DCDC2: variants seen among roughly 807,000 people sequenced by gnomAD.
DCDC2 encodes the protein doublecortin domain-containing protein 2.
In DCDC2, 40 loss-of-function variants were observed where a neutral mutation model predicts 50.2. The observed-to-expected ratio is 0.80, with a 90% CI of 0.62 to 1.04. The LOEUF is 1.04. Among genes scored for constraint, DCDC2 ranks in the 50% least tolerant of loss-of-function variants. DCDC2 has a pLI of 0.00. For synonymous variants in DCDC2, 234 were observed against 210.6 expected (o/e 1.11, Z -0.96); for missense variants, 570 against 581.9 (o/e 0.98, Z 0.21).
intron 2 of DCDC2, among the ~76,000 whole-genome samples, chr6:24,320,187 G>T (rs527712068): frequency 6.6e-6 from 1 of 152,294 alleles, no homozygotes; most frequent in South Asian, 2.1e-4. Flanking sequence ...AATGTAATGT[G>T]GATGATGAGA....
intron 8 of DCDC2, among the ~76,000 whole-genome samples, chr6:24,194,119 TGA>T (rs1453557884): frequency 6.6e-6 from 1 of 152,152 alleles, no homozygotes; most frequent in East Asian, 1.9e-4. Context: ...CAGTACTCCA[TGA>T]GAAATAGCTA....
At chr6:24,220,875 AGCGAGAGC>A (rs1241945461) in intron 7 of DCDC2, among the ~76,000 whole-genome samples, 2,885 of 43,268 alleles carry the variant, frequency 0.067, 58 homozygotes, top group South Asian at 0.15. Flanking sequence ...AGAGCAAGAG[AGCGAGAGC>A]GAGAGAGTGA....
intron 8 of DCDC2, among the ~76,000 whole-genome samples, chr6:24,182,295 A>C (rs1304177547): frequency 6.6e-6 from 1 of 152,212 alleles, no homozygotes; most frequent in Non-Finnish European, 1.5e-5. Flanking sequence ...AGGCAACAAA[A>C]AAATACATAA....
At chr6:24,212,713 C>T (rs762122339) in intron 7 of DCDC2, among the ~76,000 whole-genome samples, 4 of 152,122 alleles carry the variant, frequency 2.6e-5, no homozygotes, top group Non-Finnish European at 5.9e-5. Flanking sequence ...TTTCTTTGAA[C>T]GTGAACAGAC....
chr6:24,277,588 T>C (rs1763388249), intron 7 of DCDC2, among the ~76,000 whole-genome samples: 1 of 152,226 alleles, frequency 6.6e-6, no homozygotes, highest in East Asian at 1.9e-4. Context: ...GAATAGGTTA[T>C]TGTTTACTGA....
chr6:24,312,613 T>C (rs893003469), intron 2 of DCDC2, among the ~76,000 whole-genome samples: 1 of 152,166 alleles, frequency 6.6e-6, no homozygotes, highest in Non-Finnish European at 1.5e-5. Context: ...CTGGGTCCTA[T>C]TGGTCCCCAT....
In DCDC2 at chr6:24,205,101, A is replaced by G. The variant is rs756932116; in HGVS notation, c.924T>C (p.Asp308=). Residue 308 remains aspartate (D), a splice_region_variant and synonymous_variant, in exon 8 of 10, where the codon GAT becomes GAC. Coordinates refer to ENST00000378454, the MANE Select transcript of DCDC2 (RefSeq NM_016356.5). ...CTGCTCCAGCTTTGAAAATGCCTTC[A>G]TCTATTGAGACAAACACACAGTGAA... ...KNSQETIPNS[D]EGIFKAGAER... is the part of the protein sequence containing the mutation. 1.2e-6 allele frequency: 2 copies of G among 1,614,028 alleles called. No individual in the cohort carries two copies. Among genetic ancestry groups the G allele is most frequent in the African/African-American group, 1.3e-5 (1 of 74,912 alleles).
intron 8 of DCDC2, among the ~76,000 whole-genome samples, chr6:24,185,069 G>T (rs4712807): frequency 0.94 from 142,860 of 152,322 alleles, 67,172 homozygotes; most frequent in East Asian, 1. Flanking sequence ...ACCTAAAAAT[G>T]GCAAAATAAT....
chr6:24,233,874 G>A (rs1391759835), intron 7 of DCDC2, among the ~76,000 whole-genome samples: 2 of 152,180 alleles, frequency 1.3e-5, no homozygotes, highest in Non-Finnish European at 2.9e-5. Context: ...TGATGATTAT[G>A]TGCATTTAAG....
intron 4 of DCDC2, among the ~76,000 whole-genome samples, chr6:24,294,725 A>T (rs575269738): frequency 6.6e-6 from 1 of 152,284 alleles, no homozygotes; most frequent in Admixed American, 6.5e-5. Context: ...CCTGAAAGGG[A>T]TGGATAAATT....
chr6:24,226,808 C>T (rs999837547), intron 7 of DCDC2, among the ~76,000 whole-genome samples: 2 of 152,056 alleles, frequency 1.3e-5, no homozygotes, highest in African/African-American at 4.8e-5. Flanking sequence ...AAGGTGACTC[C>T]GAGGTTTCTC....
intron 7 of DCDC2, among the ~76,000 whole-genome samples, chr6:24,208,601 C>T (rs1243475102): frequency 1.3e-5 from 2 of 152,032 alleles, no homozygotes; most frequent in Non-Finnish European, 2.9e-5. Flanking sequence ...GAACTCCAAC[C>T]TCAGGTGATC....
At chr6:24,270,710 T>TCACCCTC (rs1036577655) in intron 7 of DCDC2, among the ~76,000 whole-genome samples, 3 of 152,034 alleles carry the variant, frequency 2.0e-5, no homozygotes, top group Non-Finnish European at 4.4e-5. Context: ...CTCCACCCTG[T>TCACCCTC]CACCCTCTAT....
At chr6:24,183,433 G>A (rs532072816) in intron 8 of DCDC2, among the ~76,000 whole-genome samples, 2 of 152,184 alleles carry the variant, frequency 1.3e-5, no homozygotes, top group Non-Finnish European at 2.9e-5. Flanking sequence ...CCAGGAAGTC[G>A]AGAGTTTTCC....
intron 7 of DCDC2, among the ~76,000 whole-genome samples, chr6:24,263,915 A>G (rs1470022206): frequency 1.3e-5 from 2 of 152,184 alleles, no homozygotes; most frequent in Non-Finnish European, 2.9e-5. Context: ...TAACCCAAAT[A>G]AGACAACCTC....
intron 7 of DCDC2, among the ~76,000 whole-genome samples, chr6:24,233,629 T>C (rs1762380737): frequency 6.6e-6 from 1 of 152,164 alleles, no homozygotes; most frequent in Non-Finnish European, 1.5e-5. Context: ...TAATTAGAAA[T>C]TCACTCTTTT....
At chr6:24,266,755 CA>C (rs2113810256) in intron 7 of DCDC2, among the ~76,000 whole-genome samples, 1 of 152,126 alleles carries the variant, frequency 6.6e-6, no homozygotes, top group Admixed American at 6.5e-5. Flanking sequence ...GGAGGTTCCT[CA>C]AAAAACTAAA....
At chr6:24,269,855 TC>T (rs747696928) in intron 7 of DCDC2, among the ~76,000 whole-genome samples, 2 of 151,698 alleles carry the variant, frequency 1.3e-5, no homozygotes, top group Admixed American at 6.6e-5. Flanking sequence ...CTAAGATGTG[TC>T]AAAATAGAGA....
At chr6:24,339,198 C>T (rs1335989295) in intron 2 of DCDC2, among the ~76,000 whole-genome samples, 2 of 152,016 alleles carry the variant, frequency 1.3e-5, no homozygotes, top group South Asian at 4.2e-4. Flanking sequence ...GGTGAACATA[C>T]TCATTCCCTT....
Sources: gnomAD v4.1 joint callset for allele counts (sites outside exome capture counted in the v4.1 genomes callset) on GRCh38, gnomAD v4.1.1 for gene constraint, MANE v1.5 for transcripts, NCBI Gene and HGNC (gene_info 2026-07-23, HGNC 2026-07-21) for gene names.